The following PGBD5 variants were observed in gnomAD, a reference collection of about 807,000 sequenced individuals.
The protein encoded by PGBD5 is piggyBac transposable element-derived protein 5.
In PGBD5, 14 loss-of-function variants were observed where a neutral mutation model predicts 47.9. The ratio of observed to expected loss-of-function variants is 0.29; its 90% CI spans 0.19 to 0.46. The LOEUF is 0.46. Among genes scored for constraint, PGBD5 ranks in the 20% least tolerant of loss-of-function variants. PGBD5 has a pLI of 1.00. For synonymous variants in PGBD5, 316 were observed against 306.3 expected, an observed-to-expected ratio of 1.03 and a Z score of -0.33; for missense variants, 635 against 716.0, an observed-to-expected ratio of 0.89 and a Z score of 1.29.
Position 230,358,862 on chromosome 1 carries a change from T to C in PGBD5, c.332-1541A>G, listed in dbSNP as rs572052905. Among the ~76,000 whole-genome samples the C allele has an allele frequency of 3.2e-4, 49 of 152,332 alleles. 1 individual carries two copies. The highest frequency in any genetic ancestry group is 1.4e-3 in the Admixed American group (21 of 15,304). ...AGGTTTGTATAAGTATACTGCATGA[T>C]GTCTGCACAACAAAATTACCTAATG... On this transcript the variant is annotated intron_variant, in intron 1 of 6. Transcript: ENST00000391860.
chr1:230,375,560 A>G (rs1263087311), intron 1 of PGBD5, among the ~76,000 whole-genome samples: 1 of 151,912 alleles, frequency 6.6e-6, no homozygotes, highest in Non-Finnish European at 1.5e-5. Flanking sequence ...ATAACTCAGC[A>G]TCTTCCTAAT....
chr1:230,354,604 A>G (rs976365563), intron 2 of PGBD5, among the ~76,000 whole-genome samples: 2 of 152,368 alleles, frequency 1.3e-5, no homozygotes, highest in Middle Eastern at 6.8e-3. Flanking sequence ...GCATCATAAA[A>G]ATAGGCTCCA....
At chr1:230,386,555 G>A (rs988279026) in intron 1 of PGBD5, among the ~76,000 whole-genome samples, 2 of 152,152 alleles carry the variant, frequency 1.3e-5, no homozygotes, top group African/African-American at 4.8e-5. Context: ...GCAAATCCTA[G>A]CAGTTGTCTT....
chr1:230,412,712 AT>A (rs1453904648), intron 1 of PGBD5, among the ~76,000 whole-genome samples: 1 of 152,040 alleles, frequency 6.6e-6, no homozygotes, highest in Non-Finnish European at 1.5e-5. Context: ...TATCCTCATC[AT>A]CTTCACTGAG....
rs1657777283 is a variant in PGBD5 at position 230,426,049 on chromosome 1, C to A, written c.-121G>T. 3 of 394,908 alleles carry A rather than the reference C, an allele frequency of 7.6e-6. No individual in the cohort carries two copies. The highest frequency in any genetic ancestry group is 2.2e-5 in the African/African-American group (1 of 45,426). The allele number at this position is 394,908 out of a possible 1,614,324, so 24.5% of individuals were successfully genotyped here. On this transcript the variant is annotated 5_prime_UTR_variant, in exon 1 of 7. Transcript: ENST00000391860. ...GCGCAGCCCGCAGCACAGCGCCCGCCGCCCCGTGCCCGGCCGGCCCGCCGT... is the reference window on the plus strand; with the variant it reads ...GCGCAGCCCGCAGCACAGCGCCCGCAGCCCCGTGCCCGGCCGGCCCGCCGT...
At chr1:230,377,978 G>C (rs1212049498) in intron 1 of PGBD5, among the ~76,000 whole-genome samples, 1 of 152,210 alleles carries the variant, frequency 6.6e-6, no homozygotes, top group South Asian at 2.1e-4. Context: ...ACTGAAAATA[G>C]AAAACATGCA....
intron 3 of PGBD5, among the ~76,000 whole-genome samples, chr1:230,350,242 C>T (rs759070925): frequency 2.0e-5 from 3 of 152,234 alleles, no homozygotes; most frequent in Non-Finnish European, 4.4e-5. Flanking sequence ...AGGGAGACGT[C>T]ACTTAGGAGC....
At chr1:230,401,553 C>T (rs1657139233) in intron 1 of PGBD5, among the ~76,000 whole-genome samples, 1 of 152,112 alleles carries the variant, frequency 6.6e-6, no homozygotes, top group Admixed American at 6.5e-5. Flanking sequence ...GCGGCAAGAC[C>T]CAGAAGGAAA....
intron 1 of PGBD5, among the ~76,000 whole-genome samples, chr1:230,362,770 G>T (rs1213457053): frequency 2.0e-5 from 3 of 152,172 alleles, no homozygotes; most frequent in African/African-American, 7.2e-5. Context: ...TGACAAAGGG[G>T]AGGGGAGAGG....
In PGBD5 at chr1:230,425,506, G is replaced by A. The variant is rs1275984244; in HGVS notation, c.331+92C>T. 8.3e-6 allele frequency: 8 copies of A among 966,874 alleles called. No individual in the cohort carries two copies. Among genetic ancestry groups the A allele is most frequent in the Non-Finnish European group, 1.1e-5 (8 of 754,040 alleles). The allele number at this position is 966,874 out of a possible 1,614,324, so 59.9% of individuals were successfully genotyped here. The stretch of plus-strand genomic sequence containing the variant: ...AGAGACACCCACAAGCCAGCCCACG[G>A]AGAGTCTGGACTCGCCCGCCCCAGC... On this transcript the variant is annotated intron_variant, in intron 1 of 6. Transcript: ENST00000391860. The surrounding 1 kb of genome is among the most constrained non-coding windows in gnomAD (Gnocchi z 4.7).
At chr1:230,343,667 G>A (rs192843465) in intron 3 of PGBD5, among the ~76,000 whole-genome samples, 1 of 152,268 alleles carries the variant, frequency 6.6e-6, no homozygotes, top group Admixed American at 6.5e-5. Flanking sequence ...CCCAGCTTCT[G>A]AATCCACAAG....
intron 1 of PGBD5, among the ~76,000 whole-genome samples, chr1:230,376,355 G>C: frequency 6.6e-6 from 1 of 152,080 alleles, no homozygotes; most frequent in East Asian, 1.9e-4. Context: ...CCAAGCTCCA[G>C]AGTTCCACAC....
At position 230,333,050 on chromosome 1, in the gene PGBD5, AGAGG is replaced by A. The variant is rs771240293; in HGVS notation, c.1076-13_1076-10del. The stretch of plus-strand genomic sequence containing the variant: ...GCCGCAGCAGTAAATCCCTGAGGGG[AGAGG>A]GAGGAAGGATCGCACACTCACCACC... On this transcript the variant is annotated splice_polypyrimidine_tract_variant and intron_variant, in intron 4 of 6. Transcript: ENST00000391860. The A allele has an allele frequency of 2.2e-4, 348 of 1,581,670 alleles. 2 individuals are homozygous for A. The East Asian group carries it at 6.9e-3, about 32-fold the overall frequency.
chr1:230,383,786 C>A (rs1156838615), intron 1 of PGBD5, among the ~76,000 whole-genome samples: 1 of 152,222 alleles, frequency 6.6e-6, no homozygotes, highest in Non-Finnish European at 1.5e-5. Context: ...ATGAGCTTTG[C>A]CTGGCTTTTG....
chr1:230,380,286 CCTTTA>C (rs1656407083), intron 1 of PGBD5, among the ~76,000 whole-genome samples: 1 of 152,236 alleles, frequency 6.6e-6, no homozygotes, highest in African/African-American at 2.4e-5. Flanking sequence ...ATGCCATTTT[CCTTTA>C]CTTAATTACA....
rs928612550 is a variant in PGBD5, at chr1:230,319,596, C to T, written c.*3829G>A. On this transcript the variant is annotated 3_prime_UTR_variant, in exon 7 of 7. Transcript: ENST00000391860. ...TGGGTCCCTGGGGAGGATGGTGACA[C>T]ACGGGCCACACAGGAAGGATTCAGA... The T allele has an allele frequency of 1.3e-5, 2 of 152,104 alleles. No individual in the cohort carries two copies. Among genetic ancestry groups the T allele is most frequent in the Non-Finnish European group, 2.9e-5 (2 of 68,068 alleles). The allele number at this position is 152,104 out of a possible 1,614,324, so 9.4% of individuals were successfully genotyped here.
At position 230,317,207 on chromosome 1, in the gene PGBD5, T is replaced by C. The variant is rs1421162057; in HGVS notation, c.*6218A>G. On this transcript the variant is annotated 3_prime_UTR_variant, in exon 7 of 7. Transcript: ENST00000391860. ...GGCACCCTCAAGGGCACAGACCACG[T>C]TGGGGTAACACGTGCCCAGTTCTTA... 6.6e-6 allele frequency: 1 copy of C among 152,190 alleles called. No homozygotes were observed. Among genetic ancestry groups the C allele is most frequent in the Non-Finnish European group, 1.5e-5 (1 of 68,038 alleles). 9.4% of individuals were successfully genotyped at this position (152,190 alleles called of 1,614,324 possible). A position where few individuals can be genotyped will look rare whatever the true frequency, so the allele number is the denominator to read the frequency against.
intron 1 of PGBD5, among the ~76,000 whole-genome samples, chr1:230,362,594 G>A (rs1667765353): frequency 6.6e-6 from 1 of 152,142 alleles, no homozygotes; most frequent in African/African-American, 2.4e-5. Flanking sequence ...GTTTAGCACA[G>A]TTCACAGCTG....
intron 1 of PGBD5, among the ~76,000 whole-genome samples, chr1:230,378,799 C>T (rs1393121255): frequency 1.3e-5 from 2 of 152,200 alleles, no homozygotes; most frequent in African/African-American, 4.8e-5. Flanking sequence ...GAAACCCTTT[C>T]ACAGGCCTTC....
Sources: allele counts gnomAD v4.1 joint callset (sites outside exome capture counted in the v4.1 genomes callset), GRCh38; gene constraint gnomAD v4.1.1; non-coding constraint Gnocchi (gnomAD v3.1); transcripts MANE v1.5; gene names NCBI Gene and HGNC (gene_info 2026-07-23, HGNC 2026-07-21).